The following PDE8A variants were observed in gnomAD, a reference collection of about 807,000 sequenced individuals.
The protein encoded by PDE8A is high affinity cAMP-specific and IBMX-insensitive 3',5'-cyclic phosphodiesterase 8A.
PDE8A carries 59 observed loss-of-function variants against 105.0 expected under a neutral mutation model. The ratio of observed to expected loss-of-function variants is 0.56; its 90% CI spans 0.46 to 0.70. The LOEUF is 0.70. Among genes scored for constraint, PDE8A ranks in the 30% least tolerant of loss-of-function variants. The pLI, the probability that PDE8A is intolerant of heterozygous loss-of-function variation, is 0.00. For missense variants in PDE8A, 1,014 were observed against 1,045.9 expected, an observed-to-expected ratio of 0.97 and a Z score of 0.42; for synonymous variants, 355 against 371.9, an observed-to-expected ratio of 0.95 and a Z score of 0.52.
chr15:85,059,509 AT>A (rs1489814283), intron 1 of PDE8A, among the ~76,000 whole-genome samples: 1 of 152,148 alleles, frequency 6.6e-6, no homozygotes, highest in African/African-American at 2.4e-5. Flanking sequence ...ATGGTCTGTC[AT>A]TGGGTAGATA....
At chr15:85,068,851 T>G (rs1349544267) in intron 3 of PDE8A, among the ~76,000 whole-genome samples, 1 of 152,202 alleles carries the variant, frequency 6.6e-6, no homozygotes, top group African/African-American at 2.4e-5. Context: ...AAAGAAAATT[T>G]AAATTGTGTT....
chr15:84,981,987 A>C lies in PDE8A; in HGVS notation c.-176A>C. 1 of 309,496 alleles carries C rather than the reference A, an allele frequency of 3.2e-6. No homozygotes were observed. Among genetic ancestry groups the C allele is most frequent in the Non-Finnish European group, 5.7e-6 (1 of 174,092 alleles). The allele number at this position is 309,496 out of a possible 1,614,324, so 19.2% of individuals were successfully genotyped here. ...TTCCCACCGCAGCCGCCGCCGCCGCAGCGCCCGCACCGCGATAAAAGGGGC... is the reference window on the plus strand; with the variant it reads ...TTCCCACCGCAGCCGCCGCCGCCGCCGCGCCCGCACCGCGATAAAAGGGGC... On this transcript the variant is annotated 5_prime_UTR_variant, in exon 1 of 22. Transcript: ENST00000394553.
chr15:85,097,808 A>C, intron 8 of PDE8A, 140 bp from the exon 9 acceptor site: 1 of 615,744 alleles, frequency 1.6e-6, no homozygotes, highest in East Asian at 2.8e-5. Flanking sequence ...TTGTCCTATT[A>C]CCTGAAATCA....
intron 1 of PDE8A, among the ~76,000 whole-genome samples, chr15:85,018,701 C>T (rs1489510805): frequency 1.3e-5 from 2 of 152,134 alleles, no homozygotes; most frequent in African/African-American, 2.4e-5. Context: ...TACACACTTG[C>T]AGAGCCACAT....
chr15:85,114,090 T>G lies in PDE8A; in HGVS notation c.1350+53T>G, dbSNP rs982869995. On this transcript the variant is annotated intron_variant, in intron 14 of 21. Coordinates refer to ENST00000394553, the MANE Select transcript of PDE8A (RefSeq NM_002605.3). ...TAGAGCCTGTCTGTTCTTGGTTGTT[T>G]TCTCAGAGGTTATTCACTTAAACAG... 4.7e-6 allele frequency: 7 copies of G among 1,485,308 alleles called. 1 individual carries two copies. Among genetic ancestry groups the G allele is most frequent in the Admixed American group, 1.7e-5 (1 of 58,448 alleles). The allele number at this position is 1,485,308 out of a possible 1,614,324, so 92.0% of individuals were successfully genotyped here.
intron 1 of PDE8A, among the ~76,000 whole-genome samples, chr15:85,037,628 GA>G (rs2080729377): frequency 6.6e-6 from 1 of 152,176 alleles, no homozygotes; most frequent in Non-Finnish European, 1.5e-5. Context: ...ATATCCTGTA[GA>G]AATATGTCAT....
intron 1 of PDE8A, among the ~76,000 whole-genome samples, chr15:85,013,861 G>C (rs908329810): frequency 6.6e-6 from 1 of 152,146 alleles, no homozygotes; most frequent in Non-Finnish European, 1.5e-5. Context: ...GATTGGCCAA[G>C]TTAGTGCAGG....
At chr15:85,108,846 G>T (rs760874819) in intron 11 of PDE8A, among the ~76,000 whole-genome samples, 11 of 152,054 alleles carry the variant, frequency 7.2e-5, no homozygotes, top group Non-Finnish European at 1.2e-4. Context: ...TAAAGCCCTT[G>T]TTTATCTGTG....
chr15:85,050,336 CTT>C (rs942398467), intron 1 of PDE8A, among the ~76,000 whole-genome samples: 3 of 152,056 alleles, frequency 2.0e-5, no homozygotes, highest in Non-Finnish European at 4.4e-5. Context: ...TAATTTGTCT[CTT>C]TTTTCTTTTG....
intron 1 of PDE8A, among the ~76,000 whole-genome samples, chr15:85,000,337 G>A (rs2080047543): frequency 6.6e-6 from 1 of 152,188 alleles, no homozygotes; most frequent in South Asian, 2.1e-4. Flanking sequence ...AAACAGGGGT[G>A]CACTGGTTTT....
chr15:85,042,813 A>G (rs1419641539), intron 1 of PDE8A, among the ~76,000 whole-genome samples: 2 of 152,054 alleles, frequency 1.3e-5, no homozygotes, highest in African/African-American at 2.4e-5. Context: ...CACAATCACT[A>G]TTTTCCAAGT....
chr15:85,061,885 C>T (rs958729279), intron 1 of PDE8A, among the ~76,000 whole-genome samples: 1 of 152,140 alleles, frequency 6.6e-6, no homozygotes, highest in Non-Finnish European at 1.5e-5. Context: ...GCCTTTGAAT[C>T]TCTTTAGTGA....
intron 2 of PDE8A, among the ~76,000 whole-genome samples, chr15:85,065,389 G>A (rs559504389): frequency 4.0e-5 from 6 of 149,382 alleles, no homozygotes; most frequent in South Asian, 2.1e-4. Context: ...GCTAGATGAC[G>A]AGTTAGTGGG....
chr15:85,035,318 C>T (rs539681176), intron 1 of PDE8A, among the ~76,000 whole-genome samples: 1 of 147,890 alleles, frequency 6.8e-6, no homozygotes, highest in South Asian at 2.2e-4. Context: ...AACCGATTCT[C>T]CTGCCTCAGC....
intron 1 of PDE8A, among the ~76,000 whole-genome samples, chr15:85,001,259 CA>C (rs1211539104): frequency 4.6e-5 from 7 of 151,882 alleles, no homozygotes; most frequent in African/African-American, 1.7e-4. Context: ...TGTAATTAAC[CA>C]AAAAAACCTC....
At chr15:85,049,995 G>C (rs1240070353) in intron 1 of PDE8A, among the ~76,000 whole-genome samples, 1 of 152,106 alleles carries the variant, frequency 6.6e-6, no homozygotes, top group African/African-American at 2.4e-5. Flanking sequence ...ATCAGCACTT[G>C]TTATTTTCTG....
chr15:85,070,649 C>T (rs16974777), intron 3 of PDE8A, among the ~76,000 whole-genome samples: 13,474 of 152,142 alleles, frequency 0.089, 1,656 homozygotes, highest in African/African-American at 0.28. Flanking sequence ...GGCACCTCTG[C>T]TCAGTGCTAG....
rs191201186 is a variant in PDE8A at position 85,130,621 on chromosome 15, T to C, written c.2253+4247T>C. On this transcript the variant is annotated intron_variant, in intron 20 of 21. Transcript: ENST00000394553. ...CATTGTTCAAACTCTATTGTCTCAT[T>C]GTTCTATTCATTATAAAAATGTAGT... 2.3e-3 allele frequency among the ~76,000 whole-genome samples: 349 copies of C among 152,336 alleles called. 2 individuals are homozygous for C. Among genetic ancestry groups the C allele is most frequent in the Non-Finnish European group, 4.2e-3 (283 of 68,026 alleles).
chr15:85,074,341 C>G (rs917339063), intron 3 of PDE8A, among the ~76,000 whole-genome samples: 1 of 152,174 alleles, frequency 6.6e-6, no homozygotes, highest in African/African-American at 2.4e-5. Flanking sequence ...GACAAGAGTC[C>G]ATATGGCCTG....
Sources: gnomAD v4.1 joint callset for allele counts (sites outside exome capture counted in the v4.1 genomes callset) on GRCh38, gnomAD v4.1.1 for gene constraint, MANE v1.5 for transcripts, NCBI Gene and HGNC (gene_info 2026-07-23, HGNC 2026-07-21) for gene names.